SAMMSON: variants seen among roughly 807,000 people sequenced by gnomAD.
SAMMSON encodes the protein long intergenic non-protein coding RNA 1212.
At chr3:70,239,725 C>T (rs1304947821) in intron 4 of SAMMSON, among the ~76,000 whole-genome samples, 1 of 152,086 alleles carries the variant, frequency 6.6e-6, no homozygotes, top group African/African-American at 2.4e-5. Context: ...AAGTGCTTCC[C>T]CAGAGCCCTG....
At chr3:70,204,831 G>A (rs1701275423) in intron 4 of SAMMSON, 2 of 152,020 alleles carry the variant, frequency 1.3e-5, no homozygotes, top group Non-Finnish European at 2.9e-5. Context: ...GGGAAAGTAT[G>A]TTTCACTGTG....
intron 7 of SAMMSON, among the ~76,000 whole-genome samples, chr3:70,317,305 C>T (rs916912308): frequency 6.6e-6 from 1 of 151,898 alleles, no homozygotes; most frequent in African/African-American, 2.4e-5. Flanking sequence ...TTTGTGTCAA[C>T]CTTGCATTAG....
intron 7 of SAMMSON, among the ~76,000 whole-genome samples, chr3:70,315,515 A>T (rs1702488243): frequency 1.3e-5 from 2 of 152,322 alleles, no homozygotes; most frequent in Middle Eastern, 3.4e-3. Flanking sequence ...GTAAGAACAG[A>T]CACCAAGTAC....
chr3:70,113,843 T>G (rs2106662322), intron 4 of SAMMSON, among the ~76,000 whole-genome samples: 1 of 152,064 alleles, frequency 6.6e-6, no homozygotes. Context: ...GAGAAGAGGA[T>G]GAGACCAGGA....
intron 6 of SAMMSON, among the ~76,000 whole-genome samples, chr3:70,279,779 G>A (rs1702063435): frequency 6.6e-6 from 1 of 152,110 alleles, no homozygotes; most frequent in African/African-American, 2.4e-5. Flanking sequence ...TTCCTTCCAT[G>A]GGCTGTTCTG....
intron 2 of SAMMSON, among the ~76,000 whole-genome samples, chr3:70,422,829 A>G (rs1701323135): frequency 6.6e-6 from 1 of 152,058 alleles, no homozygotes; most frequent in Non-Finnish European, 1.5e-5. Context: ...CTGCAATGAT[A>G]TCTTTGAAAA....
In SAMMSON at chr3:70,165,953, A is replaced by T. The variant is rs577648862; in HGVS notation, n.508-83154A>T. Among the ~76,000 whole-genome samples, 93 of 152,104 alleles carry T rather than the reference A, an allele frequency of 6.1e-4. No homozygotes were observed. In the South Asian group the frequency reaches 9.7e-3, roughly 16 times the overall value. On this transcript the variant is annotated intron_variant and non_coding_transcript_variant, in intron 4 of 9. Coordinates refer to ENST00000642114, the Ensembl canonical transcript of SAMMSON. ...GTTCCAGATTTTGCACTAATTAATT[A>T]TGGGAAATTTAGACAGGACATTTAA... is the stretch of plus-strand genomic sequence containing the variant.
At chr3:70,384,011 G>A (rs1703099490) in intron 9 of SAMMSON, among the ~76,000 whole-genome samples, 1 of 151,732 alleles carries the variant, frequency 6.6e-6, no homozygotes, top group South Asian at 2.1e-4. Flanking sequence ...GGTGGGGAGT[G>A]AAATGACCAA....
chr3:70,262,662 G>A (rs2106662925), intron 6 of SAMMSON, among the ~76,000 whole-genome samples: 1 of 152,262 alleles, frequency 6.6e-6, no homozygotes, highest in African/African-American at 2.4e-5. Flanking sequence ...TTTTACACTT[G>A]TGTCACATAA....
chr3:70,300,932 G>C lies in SAMMSON; in HGVS notation n.739+9689G>C, dbSNP rs113523962. Among the ~76,000 whole-genome samples the C allele has an allele frequency of 2.0e-3, 300 of 152,046 alleles. 1 individual carries two copies. Among genetic ancestry groups the C allele is most frequent in the African/African-American group, 6.9e-3 (287 of 41,520 alleles). ...TTTTTAAAAAAAAGTCAAGAAAGCC[G>C]TTAGTGCAATTTTCTCCTCTTCTTT... On this transcript the variant is annotated intron_variant and non_coding_transcript_variant, in intron 7 of 9. Transcript: ENST00000642114.
At chr3:70,008,561 AT>A (rs1434704394) in intron 1 of SAMMSON, among the ~76,000 whole-genome samples, 6 of 152,152 alleles carry the variant, frequency 3.9e-5, no homozygotes, top group Admixed American at 6.5e-5. Flanking sequence ...GGTTTTCTAG[AT>A]ATACAGTCAT....
intron 4 of SAMMSON, among the ~76,000 whole-genome samples, chr3:70,169,513 A>C (rs143843698): frequency 6.6e-6 from 1 of 152,034 alleles, no homozygotes; most frequent in Admixed American, 6.6e-5. Context: ...ATATTTACAC[A>C]TGATTTTTAT....
At chr3:70,292,016 G>A (rs1046979086) in intron 7 of SAMMSON, 1 of 152,124 alleles carries the variant, frequency 6.6e-6, no homozygotes, top group African/African-American at 2.4e-5. Context: ...TGGTTTCAAA[G>A]CTGAATAAAT....
intron 4 of SAMMSON, among the ~76,000 whole-genome samples, chr3:70,138,067 C>T (rs556309303): frequency 3.3e-5 from 5 of 152,072 alleles, no homozygotes; most frequent in East Asian, 1.9e-4. Context: ...GAATAAAAGA[C>T]GTGCACTATT....
intron 7 of SAMMSON, chr3:70,302,825 T>C (rs541100328): frequency 1.4e-4 from 22 of 152,330 alleles, no homozygotes; most frequent in Admixed American, 5.9e-4. Flanking sequence ...TGACATGGCA[T>C]CTTGTAGGCC....
At chr3:70,364,858 T>C (rs1350262071) in intron 9 of SAMMSON, among the ~76,000 whole-genome samples, 1 of 151,780 alleles carries the variant, frequency 6.6e-6, no homozygotes, top group Non-Finnish European at 1.5e-5. Flanking sequence ...TTACTATTTT[T>C]TCCACAGTGC....
At chr3:70,241,717 G>T (rs753126324) in intron 4 of SAMMSON, among the ~76,000 whole-genome samples, 21 of 152,114 alleles carry the variant, frequency 1.4e-4, no homozygotes, top group Admixed American at 6.5e-4. Context: ...CCTAAACATT[G>T]CGGCTACTAA....
At chr3:70,114,212 A>G (rs1178986517) in intron 4 of SAMMSON, among the ~76,000 whole-genome samples, 1 of 152,178 alleles carries the variant, frequency 6.6e-6, no homozygotes, top group Non-Finnish European at 1.5e-5. Flanking sequence ...GGTGTGTGCC[A>G]GTTTCCTTAT....
At chr3:70,269,622 A>G (rs374956503) in intron 6 of SAMMSON, among the ~76,000 whole-genome samples, 4 of 152,164 alleles carry the variant, frequency 2.6e-5, no homozygotes, top group Non-Finnish European at 1.5e-5. Flanking sequence ...TCTTTGTTCA[A>G]TTAAATTATG....
Sources: gnomAD v4.1 joint callset for allele counts (sites outside exome capture counted in the v4.1 genomes callset) on GRCh38, gnomAD v4.1.1 for gene constraint, MANE v1.5 for transcripts, NCBI Gene and HGNC (gene_info 2026-07-23, HGNC 2026-07-21) for gene names.